EMC2: variants seen among roughly 807,000 people sequenced by gnomAD.
EMC2 encodes TPR repeat protein 35.
A neutral mutation model predicts 51.6 loss-of-function variants in EMC2; 37 were observed. The observed-to-expected ratio is 0.72, with a 90% CI of 0.55 to 0.94. EMC2 has a LOEUF of 0.94. EMC2 is among the 40% of genes least tolerant of loss of function. The pLI, the probability that EMC2 is intolerant of heterozygous loss-of-function variation, is 0.00. For synonymous variants in EMC2, 131 were observed against 112.4 expected, an observed-to-expected ratio of 1.17 and a Z score of -1.04; for missense variants, 359 against 350.9, an observed-to-expected ratio of 1.02 and a Z score of -0.18.
intron 1 of EMC2, 133 bp downstream of exon 1, chr8:108,443,831 T>C (rs1308196731): frequency 4.1e-6 from 3 of 739,432 alleles, no homozygotes; most frequent in African/African-American, 1.8e-5. Context: ...CGGGCCAAGC[T>C]GAGGTGGAGG....
At position 108,470,136 on chromosome 8, in the gene EMC2, A is replaced by G; in HGVS notation, c.509+15A>G. 4 of 1,595,522 alleles carry G rather than the reference A, an allele frequency of 2.5e-6. No individual in the cohort carries two copies. The highest frequency in any genetic ancestry group is 3.4e-6 in the Non-Finnish European group (4 of 1,164,232). ...AATGAACATGAGTAAGTTATTAAAC[A>G]CACAACATTTTGTTGAGTGCAGTTT... On this transcript the variant is annotated intron_variant, in intron 7 of 10. Transcript: ENST00000220853.
chr8:108,461,874 C>CTG (rs1819330797), intron 5 of EMC2, among the ~76,000 whole-genome samples: 1 of 151,998 alleles, frequency 6.6e-6, no homozygotes, highest in African/African-American at 2.4e-5. Flanking sequence ...TGTCGCCAGG[C>CTG]TGTGGCTCAC....
At chr8:108,462,325 A>G (rs1819349913) in intron 5 of EMC2, among the ~76,000 whole-genome samples, 1 of 152,096 alleles carries the variant, frequency 6.6e-6, no homozygotes, top group South Asian at 2.1e-4. Context: ...CACATCCTTT[A>G]CATTATCCTG....
At chr8:108,483,903 C>T (rs1811089934) in intron 10 of EMC2, among the ~76,000 whole-genome samples, 1 of 151,964 alleles carries the variant, frequency 6.6e-6, no homozygotes, top group Non-Finnish European at 1.5e-5. Flanking sequence ...TTAATCATAT[C>T]TAGGAATATA....
intron 10 of EMC2, among the ~76,000 whole-genome samples, chr8:108,485,629 CTT>C (rs1490849009): frequency 2.0e-5 from 3 of 147,624 alleles, no homozygotes; most frequent in East Asian, 2.0e-4. Flanking sequence ...TCTAGTAAAT[CTT>C]TTGTTTTAAA....
chr8:108,449,795 C>T, intron 1 of EMC2, 28 bp from the exon 2 acceptor site: 2 of 1,052,512 alleles, frequency 1.9e-6, no homozygotes, highest in Non-Finnish European at 1.5e-6. Context: ...GGTACATATA[C>T]ACTTAAATGT....
intron 1 of EMC2, chr8:108,446,437 G>A (rs1427512104): frequency 4.2e-6 from 1 of 240,138 alleles, no homozygotes; most frequent in African/African-American, 2.3e-5. Context: ...AGCATGGGGT[G>A]ATGAAAGCCT....
At chr8:108,470,041 T>C (rs938210482) in intron 6 of EMC2, 21 bp from the exon 7 acceptor site, 1 of 1,609,774 alleles carries the variant, frequency 6.2e-7, no homozygotes, top group African/African-American at 1.3e-5. Context: ...CACTTACTTT[T>C]TTTTCTTTTC....
chr8:108,465,961 T>C (rs368497689), intron 5 of EMC2, among the ~76,000 whole-genome samples: 3 of 152,134 alleles, frequency 2.0e-5, no homozygotes, highest in Non-Finnish European at 2.9e-5. Context: ...AAGGGAGTGA[T>C]AGAATTGAAG....
At chr8:108,471,688 C>T (rs191353750) in intron 7 of EMC2, among the ~76,000 whole-genome samples, 2 of 151,858 alleles carry the variant, frequency 1.3e-5, no homozygotes, top group Admixed American at 6.6e-5. Context: ...TACTAATTTA[C>T]CCTAGTATTT....
intron 4 of EMC2, among the ~76,000 whole-genome samples, chr8:108,454,847 C>A (rs2130348169): frequency 6.6e-6 from 1 of 152,142 alleles, no homozygotes; most frequent in South Asian, 2.1e-4. Context: ...TCTCAGGATA[C>A]AGAATTCTAA....
chr8:108,484,453 AC>A (rs1811099895), intron 10 of EMC2, among the ~76,000 whole-genome samples: 1 of 152,052 alleles, frequency 6.6e-6, no homozygotes, highest in Non-Finnish European at 1.5e-5. Context: ...TAATGTTGAC[AC>A]CATCTCAGTT....
rs1049341879 is a variant in EMC2 at position 108,488,652 on chromosome 8, C to T, written c.*2054C>T. 1.3e-5 allele frequency among the ~76,000 whole-genome samples: 2 copies of T among 152,114 alleles called. No homozygotes were observed. The highest frequency in any genetic ancestry group is 6.5e-5 in the Admixed American group (1 of 15,268). ...GTACCTTAGTTTGATCTGATAGTGG[C>T]AAGGATCCCTCTTCCTCAAAGAGAT... On this transcript the variant is annotated 3_prime_UTR_variant, in exon 11 of 11. Coordinates refer to ENST00000220853, the MANE Select transcript of EMC2 (RefSeq NM_014673.5).
chr8:108,474,976 A>G (rs1810922044), intron 7 of EMC2: 1 of 152,008 alleles, frequency 6.6e-6, no homozygotes, highest in Admixed American at 6.6e-5. Context: ...TGAAACAGGA[A>G]AATAATTTTT....
rs764386770 is a variant in EMC2, at chr8:108,476,785, A to G, written c.595A>G (p.Lys199Glu). The G allele has an allele frequency of 3.3e-6, 5 of 1,506,260 alleles. No homozygotes were observed. Among genetic ancestry groups the G allele is most frequent in the Non-Finnish European group, 4.6e-6 (5 of 1,082,846 alleles). 93.3% of individuals were successfully genotyped at this position (1,506,260 alleles called of 1,614,324 possible). A position where few individuals can be genotyped will look rare whatever the true frequency, so the allele number is the denominator to read the frequency against. ...HLYCQQYAEV[K>E]YTQGGLENLE... The stretch of plus-strand genomic sequence containing the variant: ...AGCACTTTGCAATTTTTAACAGGTT[A>G]AGTATACCCAAGGTGGACTTGAAAA... Residue 199 changes from lysine to glutamate, a missense_variant, in exon 9 of 11, where the codon AAG (lysine) becomes GAG (glutamate). Lys to Glu is a moderately conservative substitution (Grantham distance 56). Coordinates refer to ENST00000220853, the MANE Select transcript of EMC2 (RefSeq NM_014673.5).
intron 10 of EMC2, among the ~76,000 whole-genome samples, chr8:108,481,528 G>A (rs944795530): frequency 2.6e-5 from 4 of 151,946 alleles, no homozygotes; most frequent in Non-Finnish European, 4.4e-5. Flanking sequence ...TTGTTTTTAA[G>A]ATATGAGAAA....
chr8:108,486,371 G>C (rs1811137772), intron 10 of EMC2, 141 bp from the exon 11 acceptor site: 1 of 1,240,680 alleles, frequency 8.1e-7, no homozygotes, highest in Admixed American at 3.4e-5. Flanking sequence ...TATTCTTATT[G>C]AAAAAGCAAA....
At chr8:108,454,849 G>A (rs974326688) in intron 4 of EMC2, among the ~76,000 whole-genome samples, 3 of 152,036 alleles carry the variant, frequency 2.0e-5, no homozygotes, top group Non-Finnish European at 2.9e-5. Context: ...TCAGGATACA[G>A]AATTCTAAGT....
rs750124489 is a variant in EMC2 at position 108,488,824 on chromosome 8, GCTA to G, written c.*2230_*2232del. Reference sequence around the variant, plus strand: ...TCCATTCTGTCTCTCTATTGTGGTAGCTACTAACCATATGTGATATTGAGTACT... The same window carrying G: ...TCCATTCTGTCTCTCTATTGTGGTAGCTAACCATATGTGATATTGAGTACT... On this transcript the variant is annotated 3_prime_UTR_variant, in exon 11 of 11. Transcript: ENST00000220853. 1.5e-4 allele frequency among the ~76,000 whole-genome samples: 23 copies of G among 152,190 alleles called. No individual in the cohort carries two copies. The highest frequency in any genetic ancestry group is 2.6e-4 in the Non-Finnish European group (18 of 68,036).
Sources: gnomAD v4.1 joint callset for allele counts (sites outside exome capture counted in the v4.1 genomes callset) on GRCh38, gnomAD v4.1.1 for gene constraint, MANE v1.5 for transcripts, NCBI Gene and HGNC (gene_info 2026-07-23, HGNC 2026-07-21) for gene names.